The following NCAM2 variants were observed in gnomAD, a reference collection of about 807,000 sequenced individuals.
The protein encoded by NCAM2 is neural cell adhesion molecule 2, also known as N-CAM-2.
A neutral mutation model predicts 98.1 loss-of-function variants in NCAM2; 30 were observed. That is an observed-to-expected ratio of 0.31 (90% confidence interval 0.23 to 0.41). NCAM2 has a LOEUF of 0.41. Ranked by LOEUF, NCAM2 falls within the 10% of genes least tolerant of loss-of-function variation. NCAM2 has a pLI of 1.00. For missense variants in NCAM2, 867 were observed against 1,005.8 expected (o/e 0.86, Z 1.87); for synonymous variants, 368 against 342.4 (o/e 1.07, Z -0.83).
At chr21:21,019,518 T>C (rs1411771246) in intron 1 of NCAM2, among the ~76,000 whole-genome samples, 1 of 152,138 alleles carries the variant, frequency 6.6e-6, no homozygotes. Flanking sequence ...ATATTAAGAG[T>C]GTTCCTTAAT....
At chr21:21,135,300 C>A (rs1483592709) in intron 1 of NCAM2, among the ~76,000 whole-genome samples, 1 of 151,692 alleles carries the variant, frequency 6.6e-6, no homozygotes, top group East Asian at 1.9e-4. Flanking sequence ...TCTGGCCTCC[C>A]AAAATGCTGG....
intron 1 of NCAM2, among the ~76,000 whole-genome samples, chr21:21,194,372 T>A (rs1364793651): frequency 6.6e-6 from 1 of 152,166 alleles, no homozygotes. Flanking sequence ...AGTTGCTGAG[T>A]TATTATTATA....
intron 1 of NCAM2, among the ~76,000 whole-genome samples, chr21:21,245,159 C>T (rs377421821): frequency 6.6e-6 from 1 of 152,136 alleles, no homozygotes; most frequent in African/African-American, 2.4e-5. Context: ...ATGCATTCCT[C>T]CAAGCTTTTG....
At chr21:21,077,024 G>C (rs1401977869) in intron 1 of NCAM2, among the ~76,000 whole-genome samples, 1 of 152,094 alleles carries the variant, frequency 6.6e-6, no homozygotes, top group Non-Finnish European at 1.5e-5. Flanking sequence ...GGGTGGAGTG[G>C]AGAGGTCAGA....
intron 1 of NCAM2, among the ~76,000 whole-genome samples, chr21:21,024,389 G>C (rs186618382): frequency 6.6e-6 from 1 of 151,778 alleles, no homozygotes; most frequent in Non-Finnish European, 1.5e-5. Context: ...ATCCTGGGGG[G>C]GGAAAAAACA....
intron 15 of NCAM2, among the ~76,000 whole-genome samples, chr21:21,493,677 C>G (rs966105602): frequency 2.0e-5 from 3 of 151,978 alleles, no homozygotes; most frequent in African/African-American, 7.2e-5. Flanking sequence ...ATTCACTGTC[C>G]TAAAAATCCT....
chr21:21,464,233 T>C (rs1264708855), intron 12 of NCAM2, among the ~76,000 whole-genome samples: 1 of 152,084 alleles, frequency 6.6e-6, no homozygotes, highest in East Asian at 1.9e-4. Flanking sequence ...AGGCATACCA[T>C]ATATCAAAGT....
chr21:21,336,642 C>T (rs527535766), intron 7 of NCAM2, among the ~76,000 whole-genome samples: 11 of 152,076 alleles, frequency 7.2e-5, no homozygotes, highest in Admixed American at 6.6e-5. Flanking sequence ...AATGGTAATC[C>T]CTGCGTGGAC....
At position 21,505,468 on chromosome 21, in the gene NCAM2, C is replaced by T. The variant is rs182859179; in HGVS notation, c.2078-3383C>T. Among the ~76,000 whole-genome samples, 15 of 152,046 alleles carry T rather than the reference C, an allele frequency of 9.9e-5. 1 individual carries two copies. In the East Asian group the frequency reaches 2.9e-3, roughly 29 times the overall value. On this transcript the variant is annotated intron_variant, in intron 15 of 17. Coordinates refer to ENST00000400546, the MANE Select transcript of NCAM2 (RefSeq NM_004540.5). ...TAAGCCAAAAAATGAAGATGTTTTACATATATAATTTTTCTGAAAGCTTTT... is the reference window on the plus strand; with the variant it reads ...TAAGCCAAAAAATGAAGATGTTTTATATATATAATTTTTCTGAAAGCTTTT...
chr21:21,217,126 A>G (rs1426538718), intron 1 of NCAM2, among the ~76,000 whole-genome samples: 2 of 152,216 alleles, frequency 1.3e-5, no homozygotes, highest in Non-Finnish European at 2.9e-5. Context: ...TAGAAAATCC[A>G]GTTTTTGCTG....
intron 1 of NCAM2, among the ~76,000 whole-genome samples, chr21:21,188,608 G>T (rs1426668399): frequency 6.6e-6 from 1 of 152,132 alleles, no homozygotes; most frequent in Non-Finnish European, 1.5e-5. Context: ...TGGACTAAAA[G>T]AAGTGCTTGA....
intron 1 of NCAM2, among the ~76,000 whole-genome samples, chr21:21,164,677 AAGTTT>A (rs2067896040): frequency 1.3e-5 from 2 of 152,116 alleles, no homozygotes. Context: ...AATTTTAGTT[AAGTTT>A]AAGTTAATTT....
intron 15 of NCAM2, among the ~76,000 whole-genome samples, chr21:21,507,525 G>T (rs1413612360): frequency 6.6e-6 from 1 of 152,026 alleles, no homozygotes; most frequent in South Asian, 2.1e-4. Flanking sequence ...TAGGCACGGT[G>T]GCTCATGCCT....
intron 1 of NCAM2, among the ~76,000 whole-genome samples, chr21:21,003,514 A>G (rs775909318): frequency 2.6e-5 from 4 of 152,156 alleles, no homozygotes; most frequent in Non-Finnish European, 4.4e-5. Flanking sequence ...AAATCTGGCC[A>G]GTTGACCTTG....
chr21:21,152,350 A>ATTTAT (rs1185313442), intron 1 of NCAM2, among the ~76,000 whole-genome samples: 2 of 151,316 alleles, frequency 1.3e-5, no homozygotes, highest in African/African-American at 4.9e-5. Flanking sequence ...TGCTAATTCC[A>ATTTAT]TTTTATTTTT....
At chr21:21,061,587 A>G (rs900661992) in intron 1 of NCAM2, among the ~76,000 whole-genome samples, 1 of 152,060 alleles carries the variant, frequency 6.6e-6, no homozygotes, top group South Asian at 2.1e-4. Flanking sequence ...AGAAGATACT[A>G]ATTATGTTGG....
Position 21,432,131 on chromosome 21 carries a change from G to A in NCAM2, c.1504G>A (p.Val502Met). ...LADVPSSPYG[V>M]KIIELSQTTA... The stretch of plus-strand genomic sequence containing the variant: ...AGACGTGCCATCCAGTCCCTATGGA[G>A]TGAAGATCATAGAGCTGTCGCAGAC... Residue 502 changes from valine to methionine, a missense_variant, in exon 12 of 18, where the codon GTG becomes ATG. By Grantham distance (21) the Val-to-Met change is conservative (BLOSUM62 1). Coordinates refer to ENST00000400546, the MANE Select transcript of NCAM2 (RefSeq NM_004540.5). 4 of 1,613,972 alleles carry A rather than the reference G, an allele frequency of 2.5e-6. No individual in the cohort carries two copies. Among genetic ancestry groups the A allele is most frequent in the Non-Finnish European group, 3.4e-6 (4 of 1,179,914 alleles).
At chr21:21,124,558 G>A (rs2066747801) in intron 1 of NCAM2, among the ~76,000 whole-genome samples, 1 of 152,168 alleles carries the variant, frequency 6.6e-6, no homozygotes, top group Admixed American at 6.5e-5. Context: ...TGGAATCAGG[G>A]TAAAAACTTA....
At chr21:21,377,017 C>G (rs1011783432) in intron 9 of NCAM2, among the ~76,000 whole-genome samples, 2 of 151,514 alleles carry the variant, frequency 1.3e-5, no homozygotes, top group African/African-American at 4.8e-5. Flanking sequence ...TTTTTGTTTT[C>G]CCTAAGCATT....
Sources: gnomAD v4.1 joint callset for allele counts (sites outside exome capture counted in the v4.1 genomes callset) on GRCh38, gnomAD v4.1.1 for gene constraint, MANE v1.5 for transcripts, NCBI Gene and HGNC (gene_info 2026-07-23, HGNC 2026-07-21) for gene names.